PASD1: variants seen among roughly 807,000 people sequenced by gnomAD.
PASD1 encodes PAS domain containing repressor 1.
PASD1 carries 13 observed loss-of-function variants against 58.8 expected under a neutral mutation model. That is an observed-to-expected ratio of 0.22 (90% confidence interval 0.14 to 0.35). The LOEUF (loss-of-function observed/expected upper bound fraction) is 0.35, where lower values mean the gene tolerates loss of function less well. Ranked by LOEUF, PASD1 falls within the 10% of genes least tolerant of loss-of-function variation. The pLI, the probability that PASD1 is intolerant of heterozygous loss-of-function variation, is 1.00. For missense variants in PASD1, 734 were observed against 568.3 expected (o/e 1.29, Z -2.96); for synonymous variants, 236 against 216.7 (o/e 1.09, Z -0.78).
intron 11 of PASD1, among the ~76,000 whole-genome samples, chrX:151,666,108 A>T (rs779307066): frequency 1.1e-4 from 12 of 109,883 alleles, no homozygotes; most frequent in Non-Finnish European, 2.1e-4. Context: ...CATAAAGGGT[A>T]TTGATGAACC....
chrX:151,659,769 G>C lies in PASD1; in HGVS notation c.774G>C (p.Met258Ile). Residue 258 changes from methionine (M) to isoleucine (I), a missense_variant, in exon 10 of 16, where the codon ATG (methionine) becomes ATC (isoleucine). Physicochemically the swap from Met to Ile is conservative, Grantham distance 10 (BLOSUM62 1). Transcript: ENST00000370357. ...EQYGPQENVHMFVDSDSTYCS... is the reference protein window; with the variant it reads ...EQYGPQENVHIFVDSDSTYCS... ...ATGGACCACAAGAAAACGTTCACAT[G>C]TTTGTAGATTCTGATTCAACTTATT... The C allele has an allele frequency of 4.2e-6, 5 of 1,202,606 alleles. No individual in the cohort carries two copies. The highest frequency in any genetic ancestry group is 1.7e-5 in the African/African-American group (1 of 57,654).
At position 151,621,555 on chromosome X, in the gene PASD1, C is replaced by A; in HGVS notation, c.381C>A (p.Asn127Lys). 8.3e-7 allele frequency: 1 copy of A among 1,204,403 alleles called. No individual in the cohort carries two copies. The highest frequency in any genetic ancestry group is 1.1e-6 in the Non-Finnish European group (1 of 891,298). Reference protein sequence around the residue: ...VEHGDSSAYENVKFIVNVRDI... With the variant: ...VEHGDSSAYEKVKFIVNVRDI... ...ATGGTGATAGTTCTGCTTACGAAAA[C>A]GTGAAATTTATTGTGAATGTAAGAG... is the stretch of plus-strand genomic sequence containing the variant. Residue 127 changes from asparagine to lysine, a missense_variant, in exon 6 of 16, where the codon AAC becomes AAA. Transcript: ENST00000370357.
At chrX:151,651,374 C>T (rs1484811539) in intron 9 of PASD1, among the ~76,000 whole-genome samples, 3 of 112,076 alleles carry the variant, frequency 2.7e-5, no homozygotes, top group Non-Finnish European at 5.6e-5. Flanking sequence ...GGCAGAATTG[C>T]AGCTTGTGCA....
At chrX:151,583,585 C>T (rs2013126431) in intron 1 of PASD1, among the ~76,000 whole-genome samples, 1 of 111,809 alleles carries the variant, frequency 8.9e-6, no homozygotes, top group Non-Finnish European at 1.9e-5. Flanking sequence ...AAAAAACTGG[C>T]AATATTTTTC....
At position 151,672,180 on chromosome X, in the gene PASD1, C is replaced by G; in HGVS notation, c.1438-3C>G. 8.7e-7 allele frequency: 1 copy of G among 1,145,350 alleles called. No individual in the cohort carries two copies. Among genetic ancestry groups the G allele is most frequent in the South Asian group, 2.0e-5 (1 of 49,137 alleles). The allele number at this position is 1,145,350 out of a possible 1,213,427, so 94.4% of individuals were successfully genotyped here. On this transcript the variant is annotated splice_region_variant and splice_polypyrimidine_tract_variant and intron_variant, in intron 13 of 15. Coordinates refer to ENST00000370357, the MANE Select transcript of PASD1 (RefSeq NM_173493.3). ...TGCTTTTATCTGTTGCCTTTCGATGCAGCAGCAACTGGTGCAGCAAGAACA... is the reference window on the plus strand; with the variant it reads ...TGCTTTTATCTGTTGCCTTTCGATGGAGCAGCAACTGGTGCAGCAAGAACA...
chrX:151,578,730 C>T (rs2013046301), intron 1 of PASD1, among the ~76,000 whole-genome samples: 2 of 111,584 alleles, frequency 1.8e-5, no homozygotes, highest in South Asian at 3.8e-4. Flanking sequence ...GATTTCTCCC[C>T]TCTCCCTCTC....
chrX:151,612,842 T>C (rs1321283117), intron 4 of PASD1, among the ~76,000 whole-genome samples: 35 of 112,176 alleles, frequency 3.1e-4, no homozygotes, highest in Non-Finnish European at 3.8e-5. Context: ...TTTGTCAATT[T>C]TGGCTTCTGT....
intron 7 of PASD1, among the ~76,000 whole-genome samples, chrX:151,623,594 G>T (rs1414303752): frequency 8.9e-6 from 1 of 112,114 alleles, no homozygotes; most frequent in Non-Finnish European, 1.9e-5. Context: ...TACCTACTGT[G>T]TTACAGGTAC....
chrX:151,609,802 TG>T (rs144364733), intron 3 of PASD1, among the ~76,000 whole-genome samples: 38,659 of 104,335 alleles, frequency 0.37, 5,428 homozygotes, highest in African/African-American at 0.41. Context: ...GCTTTCAGGG[TG>T]TTTTTTTTTT....
At position 151,611,761 on chromosome X, in the gene PASD1, C is replaced by G; in HGVS notation, c.207+8C>G. On this transcript the variant is annotated splice_region_variant and intron_variant, in intron 4 of 15. Coordinates refer to ENST00000370357, the MANE Select transcript of PASD1 (RefSeq NM_173493.3). ...CTTCTTGGACATTTACCAGTAAGTT[C>G]TTTCTACTTTTGGGAAAGTGGATCA... 8.5e-7 allele frequency: 1 copy of G among 1,173,469 alleles called. No homozygotes were observed.
chrX:151,628,641 T>C (rs1439166426), intron 8 of PASD1, among the ~76,000 whole-genome samples: 1 of 111,873 alleles, frequency 8.9e-6, no homozygotes, highest in Non-Finnish European at 1.9e-5. Flanking sequence ...TCCAGCTTTG[T>C]TCTTTTGGCT....
intron 10 of PASD1, among the ~76,000 whole-genome samples, chrX:151,663,359 C>T (rs1569415606): frequency 8.9e-6 from 1 of 112,195 alleles, no homozygotes; most frequent in East Asian, 2.8e-4. Flanking sequence ...TAGGATTCAT[C>T]CACGTTTGCA....
At chrX:151,656,287 A>T (rs1443098198) in intron 9 of PASD1, among the ~76,000 whole-genome samples, 6 of 111,700 alleles carry the variant, frequency 5.4e-5, no homozygotes, top group Non-Finnish European at 9.4e-5. Flanking sequence ...GTCAGGTAGC[A>T]TGATGCCTCC....
chrX:151,649,813 G>A (rs1001188897), intron 9 of PASD1, among the ~76,000 whole-genome samples: 47 of 112,048 alleles, frequency 4.2e-4, no homozygotes, highest in African/African-American at 1.3e-3. Flanking sequence ...TGGTTTTCAG[G>A]CCTCCATGTG....
chrX:151,655,596 G>A (rs2124303449), intron 9 of PASD1, among the ~76,000 whole-genome samples: 1 of 112,041 alleles, frequency 8.9e-6, no homozygotes, highest in Non-Finnish European at 1.9e-5. Context: ...GCATTTCTCT[G>A]ATGGCCAGTG....
intron 9 of PASD1, 118 bp from the exon 10 acceptor site, chrX:151,659,595 T>G: frequency 1.4e-6 from 1 of 698,516 alleles, no homozygotes; most frequent in South Asian, 3.2e-5. Context: ...TTCAGTTGAT[T>G]GCAGCAGTGT....
intron 8 of PASD1, among the ~76,000 whole-genome samples, chrX:151,643,337 G>A (rs1012954767): frequency 1.2e-4 from 13 of 111,456 alleles, no homozygotes; most frequent in African/African-American, 4.2e-4. Context: ...AAACAATAGT[G>A]TGCACAAACT....
At chrX:151,564,290 G>A (rs2012794363) in intron 1 of PASD1, among the ~76,000 whole-genome samples, 1 of 112,474 alleles carries the variant, frequency 8.9e-6, no homozygotes, top group African/African-American at 3.2e-5. Flanking sequence ...GGGACGGTGT[G>A]CTGGGGTGGG....
At chrX:151,577,427 T>C (rs1451260779) in intron 1 of PASD1, among the ~76,000 whole-genome samples, 1 of 112,358 alleles carries the variant, frequency 8.9e-6, no homozygotes, top group Non-Finnish European at 1.9e-5. Flanking sequence ...ACTGTTTGCC[T>C]GAAGGAGACT....
Sources: gnomAD v4.1 joint callset for allele counts (sites outside exome capture counted in the v4.1 genomes callset) on GRCh38, gnomAD v4.1.1 for gene constraint, MANE v1.5 for transcripts, NCBI Gene and HGNC (gene_info 2026-07-23, HGNC 2026-07-21) for gene names.